Variants in CNNM1 observed in about 807,000 individuals in gnomAD.
The protein encoded by CNNM1 is cyclin and CBS domain divalent metal cation transport mediator 1, also known as metal transporter CNNM1.
A neutral mutation model predicts 78.8 loss-of-function variants in CNNM1; 44 were observed. The ratio of observed to expected loss-of-function variants is 0.56; its 90% CI spans 0.44 to 0.72. The LOEUF (loss-of-function observed/expected upper bound fraction) is 0.72, where lower values mean the gene tolerates loss of function less well. Among genes scored for constraint, CNNM1 ranks in the 30% least tolerant of loss-of-function variants. The pLI, the probability that CNNM1 is intolerant of heterozygous loss-of-function variation, is 0.00. For synonymous variants in CNNM1, 584 were observed against 581.5 expected (o/e 1.00, Z -0.06); for missense variants, 1,101 against 1,292.2 (o/e 0.85, Z 2.27).
At chr10:99,337,268 T>C (rs1455472962) in intron 1 of CNNM1, among the ~76,000 whole-genome samples, 1 of 152,206 alleles carries the variant, frequency 6.6e-6, no homozygotes, top group Admixed American at 6.5e-5. Context: ...TCTCCAGTAA[T>C]GTCACTGCTT....
At chr10:99,368,612 C>G (rs1419419420) in intron 6 of CNNM1, 1 of 1,289,676 alleles carries the variant, frequency 7.8e-7, no homozygotes, top group Admixed American at 2.3e-5. Context: ...GCCCCTGACT[C>G]TTTAGTGCCT....
chr10:99,345,212 A>C (rs765470500), intron 1 of CNNM1, among the ~76,000 whole-genome samples: 2 of 152,210 alleles, frequency 1.3e-5, no homozygotes, highest in East Asian at 1.9e-4. Context: ...TAACATATGC[A>C]CCCAATGTAC....
rs1464569765 is a variant in CNNM1, at chr10:99,330,087, G to A, written c.700G>A (p.Ala234Thr). Reference protein sequence around the residue: ...LRALGALLLLALSALFSGLRL... With the variant: ...LRALGALLLLTLSALFSGLRL... The stretch of plus-strand genomic sequence containing the variant: ...GGCGCTCGGGGCGCTCCTGCTGCTA[G>A]CCTTGTCGGCCCTGTTCAGCGGCCT... Residue 234 changes from alanine to threonine, a missense_variant, in exon 1 of 11, where the codon GCC becomes ACC. Ala to Thr is a moderately conservative substitution (Grantham distance 58). Around this residue, in one of 3 missense-constraint regions of CNNM1, gnomAD observed 476 missense variants for 484.5 expected, o/e 0.98. Transcript: ENST00000356713. 2 of 1,538,582 alleles carry A rather than the reference G, an allele frequency of 1.3e-6. No individual in the cohort carries two copies. Among genetic ancestry groups the A allele is most frequent in the East Asian group, 2.5e-5 (1 of 40,174 alleles).
chr10:99,330,985 C>T (rs200218360), intron 1 of CNNM1, 25 bp downstream of exon 1: 3 of 1,583,040 alleles, frequency 1.9e-6, no homozygotes, highest in Non-Finnish European at 2.6e-6. Context: ...ATCTTCTCCC[C>T]CAACTCCTAT....
rs187357977 is a variant in CNNM1, at chr10:99,341,583, G to T, written c.1573+10623G>T. Among the ~76,000 whole-genome samples the T allele has an allele frequency of 1.4e-4, 22 of 152,280 alleles. No homozygotes were observed. In the East Asian group the frequency reaches 4.1e-3, roughly 28 times the overall value. ...CTGAGAAAACTTTTCTGAGAAAGTG[G>T]AATTTCAGCTCAGCCTTAAAGAAGG... On this transcript the variant is annotated intron_variant, in intron 1 of 10. Transcript: ENST00000356713.
intron 4 of CNNM1, among the ~76,000 whole-genome samples, chr10:99,363,351 C>T (rs2031501287): frequency 6.6e-6 from 1 of 152,106 alleles, no homozygotes; most frequent in African/African-American, 2.4e-5. Context: ...AACAAGAATC[C>T]TGTTACATTG....
At chr10:99,384,518 G>A (rs1450134839) in intron 7 of CNNM1, among the ~76,000 whole-genome samples, 1 of 142,150 alleles carries the variant, frequency 7.0e-6, no homozygotes, top group Non-Finnish European at 1.5e-5. Context: ...ATACACTGCC[G>A]TGCTTCTTCC....
At chr10:99,357,183 ACT>A (rs2031252276) in intron 1 of CNNM1, among the ~76,000 whole-genome samples, 1 of 151,924 alleles carries the variant, frequency 6.6e-6, no homozygotes, top group African/African-American at 2.4e-5. Flanking sequence ...CATAATTCTG[ACT>A]CTAAATTCTT....
intron 1 of CNNM1, among the ~76,000 whole-genome samples, chr10:99,356,437 T>C (rs1247184192): frequency 6.8e-5 from 10 of 148,080 alleles, no homozygotes; most frequent in Non-Finnish European, 1.5e-4. Flanking sequence ...GATCACACCA[T>C]TGCACTCCAG....
At chr10:99,385,269 C>T (rs1205099363) in intron 7 of CNNM1, among the ~76,000 whole-genome samples, 1 of 152,204 alleles carries the variant, frequency 6.6e-6, no homozygotes, top group Non-Finnish European at 1.5e-5. Flanking sequence ...ACAGCCCCTT[C>T]CTTCTCTCTT....
At chr10:99,368,750 C>A in intron 6 of CNNM1, 2 of 1,094,580 alleles carry the variant, frequency 1.8e-6, no homozygotes, top group Non-Finnish European at 2.5e-6. Context: ...TGGCCTCTGT[C>A]ACTTTCCTGC....
intron 1 of CNNM1, among the ~76,000 whole-genome samples, chr10:99,343,614 C>G (rs1277084015): frequency 6.6e-6 from 1 of 152,188 alleles, no homozygotes; most frequent in South Asian, 2.1e-4. Flanking sequence ...GACAGAGGGT[C>G]CCAGAGGCCT....
At chr10:99,376,074 G>GC (rs990204830) in intron 6 of CNNM1, among the ~76,000 whole-genome samples, 11 of 152,176 alleles carry the variant, frequency 7.2e-5, no homozygotes, top group African/African-American at 2.7e-4. Flanking sequence ...TGATCCCAGT[G>GC]CCCCCCTCAG....
chr10:99,361,024 G>A, intron 3 of CNNM1, 49 bp downstream of exon 3: 1 of 1,533,686 alleles, frequency 6.5e-7, no homozygotes, highest in Non-Finnish European at 8.8e-7. Context: ...TCTCTAGGGT[G>A]GGACCCAGGC....
chr10:99,356,617 G>GA (rs71009747), intron 1 of CNNM1, among the ~76,000 whole-genome samples: 509 of 139,586 alleles, frequency 3.6e-3, no homozygotes, highest in Non-Finnish European at 5.5e-3. Flanking sequence ...AAGAAAGAAA[G>GA]AAAGAAAAGA....
At chr10:99,379,434 A>T (rs1054727500) in intron 7 of CNNM1, among the ~76,000 whole-genome samples, 18 of 152,144 alleles carry the variant, frequency 1.2e-4, no homozygotes, top group African/African-American at 4.1e-4. Context: ...GAGAAAGGAC[A>T]TTTTTGCTGA....
chr10:99,357,717 A>G, intron 2 of CNNM1, 62 bp downstream of exon 2: 6 of 1,455,020 alleles, frequency 4.1e-6, no homozygotes, highest in Non-Finnish European at 5.5e-6. Context: ...ACTCTCAGGT[A>G]AAGCCTCATT....
At chr10:99,350,702 G>A (rs1395946562) in intron 1 of CNNM1, among the ~76,000 whole-genome samples, 2 of 152,110 alleles carry the variant, frequency 1.3e-5, no homozygotes, top group East Asian at 1.9e-4. Context: ...ATAGGTAAAC[G>A]TGTGCCATGA....
At chr10:99,356,564 G>GAAAAGAAAAGAAAGAAAAGA (rs2031190172) in intron 1 of CNNM1, among the ~76,000 whole-genome samples, 5 of 98,246 alleles carry the variant, frequency 5.1e-5, no homozygotes, top group Non-Finnish European at 1.1e-4. Flanking sequence ...CAGACAGACA[G>GAAAAGAAAAGAAAGAAAAGA]AAAGAAAGAA....
Sources: gnomAD v4.1 joint callset for allele counts (sites outside exome capture counted in the v4.1 genomes callset) on GRCh38, gnomAD v4.1.1 for gene constraint, gnomAD v4.1.1 regional missense constraint, MANE v1.5 for transcripts, NCBI Gene and HGNC (gene_info 2026-07-23, HGNC 2026-07-21) for gene names.